The following ADAMTS2 variants were observed in gnomAD, a reference collection of about 807,000 sequenced individuals.
ADAMTS2 encodes the protein A disintegrin and metalloproteinase with thrombospondin motifs 2.
ADAMTS2 carries 50 observed loss-of-function variants against 123.0 expected under a neutral mutation model. The ratio of observed to expected loss-of-function variants is 0.41; its 90% CI spans 0.32 to 0.51. ADAMTS2 has a LOEUF of 0.51. ADAMTS2 is among the 20% of genes least tolerant of loss of function. The pLI, the probability that ADAMTS2 is intolerant of heterozygous loss-of-function variation, is 0.35. For synonymous variants in ADAMTS2, 678 were observed against 695.4 expected (o/e 0.98, Z 0.39); for missense variants, 1,494 against 1,705.2 (o/e 0.88, Z 2.18).
rs748185148 is a variant in ADAMTS2, at chr5:179,130,743, G to A, written c.2291-645C>T. ...GCTGCGGGGCAGCTGGGTGATGTGA[G>A]TGGGGCCGCAGACAGGGCACTAGTG... On this transcript the variant is annotated intron_variant, in intron 15 of 21. Coordinates refer to ENST00000251582, the MANE Select transcript of ADAMTS2 (RefSeq NM_014244.5). This position sits in a 1 kb window ranked among gnomAD's most constrained non-coding sequence, Gnocchi z 4.3. Among the ~76,000 whole-genome samples the A allele has an allele frequency of 3.9e-5, 6 of 152,176 alleles. No individual in the cohort carries two copies. Among genetic ancestry groups the A allele is most frequent in the Non-Finnish European group, 8.8e-5 (6 of 68,038 alleles).
At chr5:179,195,385 A>G (rs928441364) in intron 4 of ADAMTS2, among the ~76,000 whole-genome samples, 2 of 152,342 alleles carry the variant, frequency 1.3e-5, no homozygotes, top group African/African-American at 4.8e-5. Context: ...AAGAACACTC[A>G]GGCCACCCAC....
intron 3 of ADAMTS2, among the ~76,000 whole-genome samples, chr5:179,229,858 C>T (rs1413866452): frequency 2.0e-5 from 3 of 152,168 alleles, no homozygotes; most frequent in African/African-American, 4.8e-5. Flanking sequence ...TCCCCTTTCT[C>T]GGGGTTCTCC....
intron 5 of ADAMTS2, among the ~76,000 whole-genome samples, chr5:179,161,611 C>T (rs1436118866): frequency 1.3e-5 from 2 of 152,114 alleles, no homozygotes; most frequent in East Asian, 1.9e-4. Context: ...AGCGTTAGTG[C>T]CCTATAGTGC....
In ADAMTS2 at chr5:179,188,938, A is replaced by AACG. The variant is rs1407499888; in HGVS notation, c.892-7786_892-7784dup. ...TTACAAACCTTCCCGGGTTTGTACT[A>AACG]ACGACGGCAAGAGGCTGCCCCTCCC... On this transcript the variant is annotated intron_variant, in intron 4 of 21. Coordinates refer to ENST00000251582, the MANE Select transcript of ADAMTS2 (RefSeq NM_014244.5). This position sits in a 1 kb window ranked among gnomAD's most constrained non-coding sequence, Gnocchi z 5.1. Among the ~76,000 whole-genome samples, 3 of 152,098 alleles carry AACG rather than the reference A, an allele frequency of 2.0e-5. No homozygotes were observed. The East Asian group carries it at 5.8e-4, about 29-fold the overall frequency.
At chr5:179,304,404 C>T (rs1414139616) in intron 2 of ADAMTS2, among the ~76,000 whole-genome samples, 2 of 152,142 alleles carry the variant, frequency 1.3e-5, no homozygotes. Context: ...AATTAACTGA[C>T]AATGATCTTA....
chr5:179,157,673 A>G (rs1435122454), intron 6 of ADAMTS2, among the ~76,000 whole-genome samples: 1 of 151,230 alleles, frequency 6.6e-6, no homozygotes, highest in Non-Finnish European at 1.5e-5. Flanking sequence ...GCCCAGCCTC[A>G]TTGTTTTAAT....
At chr5:179,214,102 G>A (rs1396231458) in intron 3 of ADAMTS2, among the ~76,000 whole-genome samples, 3 of 151,506 alleles carry the variant, frequency 2.0e-5, no homozygotes, top group African/African-American at 7.3e-5. Context: ...CACCATTACT[G>A]AGACACATTA....
intron 3 of ADAMTS2, among the ~76,000 whole-genome samples, chr5:179,222,088 G>A (rs1303535445): frequency 1.3e-5 from 2 of 152,138 alleles, no homozygotes; most frequent in African/African-American, 2.4e-5. Flanking sequence ...AGGGACGGGG[G>A]TTCCTCCCAT....
intron 4 of ADAMTS2, among the ~76,000 whole-genome samples, chr5:179,190,130 T>C (rs926257944): frequency 7.8e-4 from 119 of 152,192 alleles, no homozygotes; most frequent in Non-Finnish European, 1.4e-3. Flanking sequence ...ATGGCTTAGC[T>C]TGGGCTCAGA....
At chr5:179,271,885 G>A (rs1007533137) in intron 3 of ADAMTS2, among the ~76,000 whole-genome samples, 1 of 152,192 alleles carries the variant, frequency 6.6e-6, no homozygotes, top group African/African-American at 2.4e-5. Flanking sequence ...AGTGACGGGA[G>A]TACCTTAGTA....
At chr5:179,140,521 G>A (rs1057509541) in intron 10 of ADAMTS2, among the ~76,000 whole-genome samples, 11 of 152,196 alleles carry the variant, frequency 7.2e-5, no homozygotes, top group Non-Finnish European at 1.6e-4. Flanking sequence ...TCCAATGCTG[G>A]CATGTAGGAA....
chr5:179,302,334 G>A (rs1756549330), intron 2 of ADAMTS2, among the ~76,000 whole-genome samples: 1 of 148,602 alleles, frequency 6.7e-6, no homozygotes, highest in Admixed American at 6.7e-5. Flanking sequence ...GTGGTGGGGG[G>A]CGCCTGTAGT....
intron 3 of ADAMTS2, among the ~76,000 whole-genome samples, chr5:179,264,822 G>A (rs983815852): frequency 8.7e-5 from 13 of 149,788 alleles, no homozygotes. Context: ...GAGATCCTGA[G>A]GGGCTGGGTG....
At chr5:179,161,582 G>A (rs181439940) in intron 5 of ADAMTS2, among the ~76,000 whole-genome samples, 2 of 152,310 alleles carry the variant, frequency 1.3e-5, no homozygotes, top group African/African-American at 2.4e-5. Flanking sequence ...ATCCAAAAGT[G>A]CGGCAAGATG....
chr5:179,132,125 G>A lies in ADAMTS2; in HGVS notation c.2290+105C>T, dbSNP rs1479108213. On this transcript the variant is annotated intron_variant, in intron 15 of 21. Transcript: ENST00000251582. This position sits in a 1 kb window ranked among gnomAD's most constrained non-coding sequence, Gnocchi z 6.1. ...GAGGGGCTGCCCTGGCTCAGGTCATGGCTGCACAACCCGGGCCCCTGACCC... is the reference window on the plus strand; with the variant it reads ...GAGGGGCTGCCCTGGCTCAGGTCATAGCTGCACAACCCGGGCCCCTGACCC... 2 of 1,144,232 alleles carry A rather than the reference G, an allele frequency of 1.7e-6. No homozygotes were observed. The highest frequency in any genetic ancestry group is 1.5e-5 in the African/African-American group (1 of 65,760). The allele number at this position is 1,144,232 out of a possible 1,614,324, so 70.9% of individuals were successfully genotyped here. A position where few individuals can be genotyped will look rare whatever the true frequency, so the allele number is the denominator to read the frequency against.
intron 2 of ADAMTS2, among the ~76,000 whole-genome samples, chr5:179,286,412 C>A (rs1756023014): frequency 6.6e-6 from 1 of 152,052 alleles, no homozygotes; most frequent in African/African-American, 2.4e-5. Context: ...CACCAGCACT[C>A]CCAGAGACAG....
intron 9 of ADAMTS2, among the ~76,000 whole-genome samples, chr5:179,153,033 C>T (rs758802572): frequency 5.3e-5 from 8 of 152,208 alleles, no homozygotes; most frequent in Admixed American, 1.3e-4. Flanking sequence ...TGCCGATGGC[C>T]GGTTCCTCTG....
intron 2 of ADAMTS2, among the ~76,000 whole-genome samples, chr5:179,315,613 C>T (rs340113): frequency 0.89 from 136,042 of 152,304 alleles, 61,458 homozygotes; most frequent in East Asian, 1. Flanking sequence ...GCAGGTACTA[C>T]GTTCTAGAGA....
chr5:179,152,396 G>A, intron 9 of ADAMTS2, 141 bp from the exon 10 acceptor site: 1 of 822,354 alleles, frequency 1.2e-6, no homozygotes, highest in Non-Finnish European at 2.0e-6. Flanking sequence ...TGGGTGTTGT[G>A]ATTCTGGGGT....
Sources: allele counts gnomAD v4.1 joint callset (sites outside exome capture counted in the v4.1 genomes callset), GRCh38; gene constraint gnomAD v4.1.1; non-coding constraint Gnocchi (gnomAD v3.1); transcripts MANE v1.5; gene names NCBI Gene and HGNC (gene_info 2026-07-23, HGNC 2026-07-21).